The following AOC3 variants were observed in gnomAD, a reference collection of about 807,000 sequenced individuals.
AOC3 encodes the protein amine oxidase copper containing 3, also known as amine oxidase [copper-containing] 3.
AOC3 carries 47 observed loss-of-function variants against 55.4 expected under a neutral mutation model. The observed-to-expected ratio is 0.85, with a 90% confidence interval of 0.67 to 1.08. AOC3 has a LOEUF of 1.08. AOC3 is among the 50% of genes least tolerant of loss of function. AOC3 has a pLI of 0.00. For missense variants in AOC3, 853 were observed against 993.1 expected (o/e 0.86, Z 1.90); for synonymous variants, 386 against 410.7 (o/e 0.94, Z 0.73).
rs1333440479 is a variant in AOC3, at chr17:42,851,474, TA to T, written c.132del (p.Ser45LeufsTer19). The T allele has an allele frequency of 6.2e-7, 1 of 1,614,112 alleles. No homozygotes were observed. Among genetic ancestry groups the T allele is most frequent in the Non-Finnish European group, 8.5e-7 (1 of 1,180,048 alleles). On this transcript the variant is annotated frameshift_variant, in exon 1 of 4. Transcript: ENST00000308423. LOFTEE classifies it high-confidence loss of function. The part of the protein sequence containing the change: ...EPSQLPHCPS[V>X]SPSAQPWTHP... ...AGCCAGCTTCCCCATTGCCCCTCTGTATCTCCCAGTGCCCAGCCTTGGACAC... is the reference window on the plus strand; with the variant it reads ...AGCCAGCTTCCCCATTGCCCCTCTGTTCTCCCAGTGCCCAGCCTTGGACAC...
In AOC3 at chr17:42,852,401, G is replaced by A. The variant is rs774192533; in HGVS notation, c.1058G>A (p.Arg353His). ...AFSGPRIFDV[R>H]FQGERLVYEI... ...AGTGGCCCAAGGATCTTTGACGTTCGCTTCCAAGGAGAAAGACTAGTTTAT... is the reference window on the plus strand; with the variant it reads ...AGTGGCCCAAGGATCTTTGACGTTCACTTCCAAGGAGAAAGACTAGTTTAT... Residue 353 changes from arginine to histidine, a missense_variant, in exon 1 of 4, where the codon CGC (arginine) becomes CAC (histidine). Physicochemically the swap from Arg to His is conservative, Grantham distance 29. Coordinates refer to ENST00000308423, the MANE Select transcript of AOC3 (RefSeq NM_003734.4). 6.2e-6 allele frequency: 10 copies of A among 1,614,066 alleles called. No homozygotes were observed. The highest frequency in any genetic ancestry group is 2.2e-5 in the South Asian group (2 of 91,088).
chr17:42,856,340 A>G lies in AOC3; in HGVS notation c.2082A>G (p.Thr694=), dbSNP rs8078145. 0.02 allele frequency: 32,422 copies of G among 1,613,016 alleles called. 2,702 individuals are homozygous for G. In the African/African-American group the frequency reaches 0.23, roughly 11 times the overall value. Residue 694 remains threonine (T), a synonymous_variant, in exon 4 of 4, where the codon ACA becomes ACG. Coordinates refer to ENST00000308423, the MANE Select transcript of AOC3 (RefSeq NM_003734.4). Reference sequence around the variant, plus strand: ...CACATGCAGAGGACATTCCTAACACAGTGACTGTGGGGAACGGCGTGGGCT... The same window carrying G: ...CACATGCAGAGGACATTCCTAACACGGTGACTGTGGGGAACGGCGTGGGCT... ...HIPHAEDIPN[T]VTVGNGVGFF...
chr17:42,854,371 T>C, intron 1 of AOC3, 77 bp from the exon 2 acceptor site: 1 of 1,362,346 alleles, frequency 7.3e-7, no homozygotes, highest in South Asian at 1.9e-5. Flanking sequence ...GCCCCCACTC[T>C]GAAGCCAGAT....
intron 2 of AOC3, 147 bp from the exon 3 acceptor site, chr17:42,855,297 A>G (rs983210009): frequency 1.6e-5 from 17 of 1,070,620 alleles, no homozygotes; most frequent in Admixed American, 4.6e-5. Context: ...GACCCCCCTT[A>G]GGGTGACGTC....
Position 42,852,463 on chromosome 17 carries a change from G to A in AOC3, c.1120G>A (p.Gly374Arg), listed in dbSNP as rs954554143. The change falls in exon 1 of 4, where the codon GGA becomes AGA. Residue 374 changes from glycine to arginine, a missense_variant. Transcript: ENST00000308423. ...CCAAGAGGCCTTGGCCATCTATGGT[G>A]GAAATTCCCCAGCAGCAATGACGAC... ...SLQEALAIYG[G>R]NSPAAMTTRY... 4 of 1,614,124 alleles carry A rather than the reference G, an allele frequency of 2.5e-6. No homozygotes were observed. In the African/African-American group the frequency reaches 5.3e-5, roughly 22 times the overall value.
In AOC3 at chr17:42,856,628, C is replaced by G; in HGVS notation, c.*78C>G. 5 of 1,345,402 alleles carry G rather than the reference C, an allele frequency of 3.7e-6. No homozygotes were observed. The highest frequency in any genetic ancestry group is 5.1e-6 in the Non-Finnish European group (5 of 978,794). The allele number at this position is 1,345,402 out of a possible 1,614,324, so 83.3% of individuals were successfully genotyped here. ...GATGGGGAGCAGCTGGGCACTGGGC[C>G]GGCAGCCTGGTTCCCTCTTTCCTGT... is the stretch of plus-strand genomic sequence containing the variant. On this transcript the variant is annotated 3_prime_UTR_variant, in exon 4 of 4. Coordinates refer to ENST00000308423, the MANE Select transcript of AOC3 (RefSeq NM_003734.4).
chr17:42,853,207 C>T, intron 1 of AOC3: 2 of 1,328,264 alleles, frequency 1.5e-6, no homozygotes, highest in Non-Finnish European at 1.9e-6. Flanking sequence ...AGGATTTGGG[C>T]TAACAGTGTC....
Position 42,855,942 on chromosome 17 carries a change from C to T in AOC3, c.2017-333C>T, listed in dbSNP as rs576633016. On this transcript the variant is annotated intron_variant, in intron 3 of 3. Transcript: ENST00000308423. ...TGTTGGCCTGGTTCTGCTTCCCAAG[C>T]GCTGGTTCTTTTTCCTCCACCCTTC... 3.9e-5 allele frequency among the ~76,000 whole-genome samples: 6 copies of T among 152,326 alleles called. No individual in the cohort carries two copies. The East Asian group carries it at 1.2e-3, about 29-fold the overall frequency.
At position 42,851,362 on chromosome 17, in the gene AOC3, C is replaced by G; in HGVS notation, c.19C>G (p.Leu7Val). MNQKTI[L>V]VLLILAVITI... ...TGGGAAAATGAACCAGAAGACAATC[C>G]TCGTGCTCCTCATTCTGGCCGTCAT... The change falls in exon 1 of 4, where the codon CTC becomes GTC. Residue 7 changes from leucine (L) to valine (V), a missense_variant. By Grantham distance (32) the Leu-to-Val change is conservative (BLOSUM62 1). Coordinates refer to ENST00000308423, the MANE Select transcript of AOC3 (RefSeq NM_003734.4). 1 of 1,604,608 alleles carries G rather than the reference C, an allele frequency of 6.2e-7. No individual in the cohort carries two copies. Among genetic ancestry groups the G allele is most frequent in the Non-Finnish European group, 8.5e-7 (1 of 1,174,650 alleles).
Position 42,852,932 on chromosome 17 carries a change from T to G in AOC3, c.1589T>G (p.Leu530Arg). The G allele has an allele frequency of 6.2e-7, 1 of 1,602,220 alleles. No homozygotes were observed. Among genetic ancestry groups the G allele is most frequent in the Non-Finnish European group, 8.5e-7 (1 of 1,169,966 alleles). The stretch of plus-strand genomic sequence containing the variant: ...CACAGCGCCCACTTCAAGGTGGATC[T>G]GGATGTAGCAGGTAAGACATTTTGG... Reference protein sequence around the residue: ...HTHSAHFKVDLDVAGLENWVW... With the variant: ...HTHSAHFKVDRDVAGLENWVW... The change falls in exon 1 of 4, where the codon CTG becomes CGG. Residue 530 changes from leucine to arginine, a missense_variant. Leu to Arg is a moderately radical substitution (Grantham distance 102). Coordinates refer to ENST00000308423, the MANE Select transcript of AOC3 (RefSeq NM_003734.4).
intron 1 of AOC3, chr17:42,853,280 TTGTC>T: frequency 9.1e-7 from 1 of 1,095,580 alleles, no homozygotes; most frequent in Non-Finnish European, 1.1e-6. Context: ...AGCCTTCTGT[TTGTC>T]AGCTCAGTTC....
intron 3 of AOC3, 132 bp downstream of exon 3, chr17:42,855,705 C>T: frequency 1.6e-6 from 2 of 1,284,222 alleles, no homozygotes; most frequent in Non-Finnish European, 2.2e-6. Context: ...GATCATTATC[C>T]TTTGAGGGAA....
At position 42,852,734 on chromosome 17, in the gene AOC3, C is replaced by G. The variant is rs759819332; in HGVS notation, c.1391C>G (p.Ser464Cys). Residue 464 changes from serine (S) to cysteine (C), a missense_variant, in exon 1 of 4, where the codon TCT becomes TGT. Physicochemically the swap from Ser to Cys is moderately radical, Grantham distance 112. Transcript: ENST00000308423. The stretch of plus-strand genomic sequence containing the variant: ...GCGGAAACGGTGCTGGTCGTCAGAT[C>G]TATGTCCACCTTGCTCAACTATGAC... ...GLAETVLVVR[S>C]MSTLLNYDYV... The G allele has an allele frequency of 1.2e-6, 2 of 1,614,220 alleles. No individual in the cohort carries two copies. The highest frequency in any genetic ancestry group is 2.2e-5 in the South Asian group (2 of 91,086).
At chr17:42,853,727 A>G (rs1300039236) in intron 1 of AOC3, among the ~76,000 whole-genome samples, 3 of 152,142 alleles carry the variant, frequency 2.0e-5, no homozygotes, top group Admixed American at 2.0e-4. Flanking sequence ...CTCAGAGCCA[A>G]GAGCCACTCT....
Position 42,851,285 on chromosome 17 carries a change from C to T in AOC3, c.-59C>T. 1 of 1,520,712 alleles carries T rather than the reference C, an allele frequency of 6.6e-7. No homozygotes were observed. Among genetic ancestry groups the T allele is most frequent in the Non-Finnish European group, 8.9e-7 (1 of 1,127,784 alleles). The allele number at this position is 1,520,712 out of a possible 1,614,324, so 94.2% of individuals were successfully genotyped here. A position where few individuals can be genotyped will look rare whatever the true frequency, so the allele number is the denominator to read the frequency against. ...AGGAGCCAACAGAGCCCCCGTCTTG[C>T]TGGCGTGAGAATACATTGCTCTCCT... On this transcript the variant is annotated 5_prime_UTR_variant, in exon 1 of 4. Transcript: ENST00000308423.
intron 1 of AOC3, 168 bp downstream of exon 1, chr17:42,853,111 C>A: frequency 7.4e-7 from 1 of 1,345,460 alleles, no homozygotes; most frequent in Non-Finnish European, 9.8e-7. Context: ...TGGATCTTAG[C>A]TCACTGGCTG....
chr17:42,855,149 GT>G (rs1232309007), intron 2 of AOC3, among the ~76,000 whole-genome samples: 1 of 152,260 alleles, frequency 6.6e-6, no homozygotes, highest in East Asian at 1.9e-4. Flanking sequence ...CTGGCCAAAG[GT>G]TTTTCTAGTT....
At chr17:42,854,957 C>T (rs1372659359) in intron 2 of AOC3, among the ~76,000 whole-genome samples, 2 of 151,698 alleles carry the variant, frequency 1.3e-5, no homozygotes, top group Admixed American at 1.3e-4. Flanking sequence ...AGCGATTCTC[C>T]TGCCTCAGCC....
In AOC3 at chr17:42,852,840, C is replaced by G. The variant is rs767940699; in HGVS notation, c.1497C>G (p.Phe499Leu). The G allele has an allele frequency of 5.0e-6, 8 of 1,613,856 alleles. No individual in the cohort carries two copies. The highest frequency in any genetic ancestry group is 6.8e-6 in the Non-Finnish European group (8 of 1,179,768). The stretch of plus-strand genomic sequence containing the variant: ...CCACGGGCTACATCAGCTCGGCATT[C>G]CTCTTTGGTGCTACTGGGAAGTACG... ...FYATGYISSA[F>L]LFGATGKYGN... The change falls in exon 1 of 4, where the codon TTC becomes TTG. Residue 499 changes from phenylalanine to leucine, a missense_variant. Phe to Leu is a conservative substitution (Grantham distance 22). Coordinates refer to ENST00000308423, the MANE Select transcript of AOC3 (RefSeq NM_003734.4).
Sources: allele counts gnomAD v4.1 joint callset (sites outside exome capture counted in the v4.1 genomes callset), GRCh38; gene constraint gnomAD v4.1.1; transcripts MANE v1.5; gene names NCBI Gene and HGNC (gene_info 2026-07-23, HGNC 2026-07-21).